PPFIA2: variants seen among roughly 807,000 people sequenced by gnomAD.
The protein encoded by PPFIA2 is PPFI scaffold protein A2, also known as liprin-alpha-2.
A neutral mutation model predicts 175.5 loss-of-function variants in PPFIA2; 46 were observed. That is an observed-to-expected ratio of 0.26 (90% CI 0.21 to 0.34). The LOEUF is 0.34. Ranked by LOEUF, PPFIA2 falls within the 10% of genes least tolerant of loss-of-function variation. PPFIA2 has a pLI of 1.00. For missense variants in PPFIA2, 1,179 were observed against 1,506.1 expected, an observed-to-expected ratio of 0.78 and a Z score of 3.60; for synonymous variants, 568 against 511.4, an observed-to-expected ratio of 1.11 and a Z score of -1.49.
intron 8 of PPFIA2, among the ~76,000 whole-genome samples, chr12:81,390,311 T>C (rs540229407): frequency 2.2e-4 from 33 of 152,180 alleles, no homozygotes; most frequent in East Asian, 5.8e-4. Context: ...TAGAGTAGAA[T>C]TGATGGACCA....
chr12:81,282,621 T>G (rs1478810285), intron 26 of PPFIA2: 1 of 157,374 alleles, frequency 6.4e-6, no homozygotes, highest in African/African-American at 2.4e-5. Flanking sequence ...TCATACACTT[T>G]GCATTATATC....
rs183568265 is a variant in PPFIA2 at position 81,512,143 on chromosome 12, C to A, written c.304-54277G>T. On this transcript the variant is annotated intron_variant, in intron 4 of 32. Coordinates refer to ENST00000549396, the MANE Select transcript of PPFIA2 (RefSeq NM_003625.5). ...GCTTTTAAGTTTTTTTCTGTAGTGT[C>A]CGTCAATGTCAGCATGTTAGCTAAC... 1,374 of 311,480 alleles carry A rather than the reference C, an allele frequency of 4.4e-3. 6 individuals carry two copies. Among genetic ancestry groups the A allele is most frequent in the Non-Finnish European group, 6.5e-3 (1,084 of 165,668 alleles). 19.3% of individuals were successfully genotyped at this position (311,480 alleles called of 1,614,324 possible).
chr12:81,595,397 G>A (rs2059136670), intron 4 of PPFIA2, among the ~76,000 whole-genome samples: 2 of 151,796 alleles, frequency 1.3e-5, no homozygotes, highest in Non-Finnish European at 2.9e-5. Context: ...TTTAACTTTT[G>A]TCAATTAAAG....
chr12:81,281,271 C>G lies in PPFIA2; in HGVS notation c.3198G>C (p.Val1066=). The G allele has an allele frequency of 6.3e-7, 1 of 1,597,974 alleles. No individual in the cohort carries two copies. Among genetic ancestry groups the G allele is most frequent in the South Asian group, 1.1e-5 (1 of 88,052 alleles). ...AAAACACCTACCGATGGAAACTATC[C>G]ACCATTTTTAAATGGACACGGAGAT... The part of the protein sequence containing the change: ...KKDLRVHLKM[V]DSFHRTSLQY... Residue 1066 remains valine, a synonymous_variant, in exon 27 of 33, where the codon GTG becomes GTC. Transcript: ENST00000549396.
chr12:81,326,249 T>C (rs1387464027), intron 21 of PPFIA2, among the ~76,000 whole-genome samples: 1 of 152,086 alleles, frequency 6.6e-6, no homozygotes, highest in Non-Finnish European at 1.5e-5. Flanking sequence ...TTTCAACACG[T>C]TAAGTATTTG....
At chr12:81,374,306 TTA>T (rs1482419710) in intron 11 of PPFIA2, among the ~76,000 whole-genome samples, 1 of 152,128 alleles carries the variant, frequency 6.6e-6, no homozygotes, top group Non-Finnish European at 1.5e-5. Flanking sequence ...TGTTAAATTG[TTA>T]TGTCTCATAT....
chr12:81,360,789 C>A (rs1452148070), intron 15 of PPFIA2, among the ~76,000 whole-genome samples: 1 of 151,358 alleles, frequency 6.6e-6, no homozygotes, highest in Non-Finnish European at 1.5e-5. Context: ...ATAATAAGTT[C>A]TGTTTAGCTA....
intron 4 of PPFIA2, among the ~76,000 whole-genome samples, chr12:81,574,669 T>G (rs2073186581): frequency 6.6e-6 from 1 of 151,606 alleles, no homozygotes. Context: ...ATTTTGCCTG[T>G]AGTTACCATG....
At position 81,580,410 on chromosome 12, in the gene PPFIA2, C is replaced by T. The variant is rs75336532; in HGVS notation, c.303+96381G>A. Among the ~76,000 whole-genome samples the T allele has an allele frequency of 4.1e-4, 62 of 151,804 alleles. No homozygotes were observed. The East Asian group carries it at 0.01, about 26-fold the overall frequency. ...TCCATACTAATAACTTTAGGGAAAA[C>T]GGTTTGCTATTAAAAGAAAATTGAA... On this transcript the variant is annotated intron_variant, in intron 4 of 32. Coordinates refer to ENST00000549396, the MANE Select transcript of PPFIA2 (RefSeq NM_003625.5).
At chr12:81,639,325 G>GA (rs1314490948) in intron 4 of PPFIA2, among the ~76,000 whole-genome samples, 3 of 151,276 alleles carry the variant, frequency 2.0e-5, no homozygotes, top group South Asian at 2.1e-4. Flanking sequence ...CCATCTGCAA[G>GA]AAAAACAACA....
intron 22 of PPFIA2, among the ~76,000 whole-genome samples, chr12:81,323,739 CATT>C (rs1363954407): frequency 1.2e-4 from 18 of 152,062 alleles, no homozygotes; most frequent in African/African-American, 4.3e-4. Flanking sequence ...TAATAAAACT[CATT>C]ATATGAAGAC....
intron 22 of PPFIA2, chr12:81,302,619 C>T (rs567941860): frequency 2.2e-4 from 97 of 434,242 alleles, no homozygotes; most frequent in African/African-American, 1.8e-3. Flanking sequence ...TGTGGAAAAA[C>T]GGATCAGATG....
chr12:81,379,150 C>T (rs1029119387), intron 9 of PPFIA2, among the ~76,000 whole-genome samples: 7 of 151,768 alleles, frequency 4.6e-5, no homozygotes, highest in African/African-American at 1.7e-4. Flanking sequence ...GCTGTGTTGC[C>T]AAAAATAAAC....
intron 3 of PPFIA2, among the ~76,000 whole-genome samples, chr12:81,703,072 C>T (rs2076684321): frequency 6.6e-6 from 1 of 152,064 alleles, no homozygotes; most frequent in Non-Finnish European, 1.5e-5. Context: ...GCCGGTGTTC[C>T]CCAGAGTTCA....
chr12:81,384,218 T>A lies in PPFIA2; in HGVS notation c.789A>T (p.Ser263=), dbSNP rs2038414862. 1.3e-6 allele frequency: 2 copies of A among 1,598,308 alleles called. No homozygotes were observed. Residue 263 remains serine (S), a synonymous_variant, in exon 9 of 33, where the codon TCA becomes TCT. Transcript: ENST00000549396. ...EKRLSNGSID[S]TDETSQIVEL... ...CAACTATTTGACTAGTTTCATCGGT[T>A]GAGTCTATAGAACCATTGGACAAAC...
chr12:81,386,300 TA>T (rs2038926098), intron 8 of PPFIA2, among the ~76,000 whole-genome samples: 1 of 148,272 alleles, frequency 6.7e-6, no homozygotes, highest in Admixed American at 6.7e-5. Context: ...AATAAATAAA[TA>T]AATAAATAAA....
rs1055342426 is a variant in PPFIA2 at position 81,510,318 on chromosome 12, G to C, written c.304-52452C>G. 4.6e-5 allele frequency among the ~76,000 whole-genome samples: 7 copies of C among 151,956 alleles called. No individual in the cohort carries two copies. The East Asian group carries it at 1.3e-3, about 29-fold the overall frequency. ...CATTTCTCATGAGCTCCTGTAATTT[G>C]AACTTTACCAAACTTGTCTTCATAC... On this transcript the variant is annotated intron_variant, in intron 4 of 32. Transcript: ENST00000549396.
chr12:81,597,951 C>T, intron 4 of PPFIA2: 1 of 1,534,770 alleles, frequency 6.5e-7, no homozygotes, highest in Non-Finnish European at 8.7e-7. Flanking sequence ...AGCACACTTA[C>T]TTGAAAAGTG....
chr12:81,711,052 AG>A (rs2077837598), intron 3 of PPFIA2, among the ~76,000 whole-genome samples: 1 of 151,018 alleles, frequency 6.6e-6, no homozygotes, highest in African/African-American at 2.4e-5. Flanking sequence ...AAACATAGAG[AG>A]ACCTCTTCAC....
Sources: allele counts gnomAD v4.1 joint callset (sites outside exome capture counted in the v4.1 genomes callset), GRCh38; gene constraint gnomAD v4.1.1; transcripts MANE v1.5; gene names NCBI Gene and HGNC (gene_info 2026-07-23, HGNC 2026-07-21).